The following GMDS variants were observed in gnomAD, a reference collection of about 807,000 sequenced individuals.
The protein encoded by GMDS is GDP-mannose 4,6 dehydratase.
GMDS carries 20 observed loss-of-function variants against 49.9 expected under a neutral mutation model. The observed-to-expected ratio is 0.40, with a 90% CI of 0.28 to 0.58. GMDS has a LOEUF of 0.58. Ranked by LOEUF, GMDS falls within the 20% of genes least tolerant of loss-of-function variation. The pLI, the probability that GMDS is intolerant of heterozygous loss-of-function variation, is 0.42. For synonymous variants in GMDS, 177 were observed against 178.6 expected (o/e 0.99, Z 0.07); for missense variants, 362 against 481.4 (o/e 0.75, Z 2.32).
At chr6:1,872,727 G>A (rs555852907) in intron 7 of GMDS, among the ~76,000 whole-genome samples, 22 of 152,350 alleles carry the variant, frequency 1.4e-4, no homozygotes, top group African/African-American at 5.0e-4. Flanking sequence ...TTATAGATGC[G>A]CTCAAGCTGT....
At chr6:2,030,945 A>G (rs1377265834) in intron 4 of GMDS, among the ~76,000 whole-genome samples, 11 of 152,200 alleles carry the variant, frequency 7.2e-5, no homozygotes, top group African/African-American at 2.4e-4. Context: ...TTTATAAACA[A>G]AATAAATTAT....
intron 4 of GMDS, among the ~76,000 whole-genome samples, chr6:2,046,925 C>T (rs969510451): frequency 1.3e-5 from 2 of 152,218 alleles, no homozygotes; most frequent in Middle Eastern, 3.4e-3. Context: ...AAAGTATCCC[C>T]CAACTCCATC....
chr6:2,163,106 C>T (rs149024163), intron 1 of GMDS, among the ~76,000 whole-genome samples: 6 of 152,314 alleles, frequency 3.9e-5, no homozygotes, highest in South Asian at 4.1e-4. Context: ...TATTCAATCA[C>T]GACCGATGAC....
intron 1 of GMDS, among the ~76,000 whole-genome samples, chr6:2,208,951 G>C (rs185952782): frequency 6.6e-6 from 1 of 151,278 alleles, no homozygotes; most frequent in East Asian, 2.0e-4. Flanking sequence ...CCAAGCATAA[G>C]AGCAAGAATA....
intron 7 of GMDS, among the ~76,000 whole-genome samples, chr6:1,852,119 C>T (rs1757703510): frequency 6.6e-6 from 1 of 152,188 alleles, no homozygotes; most frequent in African/African-American, 2.4e-5. Context: ...AAGTCTTTTC[C>T]ACAGTGGTCA....
chr6:1,845,853 C>T (rs1561842060), intron 7 of GMDS, among the ~76,000 whole-genome samples: 1 of 152,130 alleles, frequency 6.6e-6, no homozygotes, highest in Non-Finnish European at 1.5e-5. Flanking sequence ...TCACCTCCTG[C>T]TGTGCGGCCT....
chr6:1,763,770 C>CGAATCTGT (rs1269494521), intron 7 of GMDS, among the ~76,000 whole-genome samples: 3 of 152,324 alleles, frequency 2.0e-5, no homozygotes, highest in Admixed American at 2.0e-4. Flanking sequence ...TCCATTGGTA[C>CGAATCTGT]GAATCTGTCT....
intron 4 of GMDS, among the ~76,000 whole-genome samples, chr6:2,046,373 T>C (rs1007737548): frequency 2.0e-5 from 3 of 152,200 alleles, no homozygotes; most frequent in Non-Finnish European, 2.9e-5. Flanking sequence ...TCATAGGAAA[T>C]ACCCATTAAT....
intron 9 of GMDS, among the ~76,000 whole-genome samples, chr6:1,686,173 G>A (rs961474457): frequency 6.6e-6 from 1 of 152,204 alleles, no homozygotes. Context: ...GAGCAGAACT[G>A]AAGCCAGTTT....
chr6:1,797,287 G>A (rs922385216), intron 7 of GMDS, among the ~76,000 whole-genome samples: 1 of 152,158 alleles, frequency 6.6e-6, no homozygotes, highest in Non-Finnish European at 1.5e-5. Context: ...CCAGTCAGTG[G>A]AAAAATTGTC....
At chr6:2,007,492 T>A (rs1767266881) in intron 4 of GMDS, among the ~76,000 whole-genome samples, 1 of 152,204 alleles carries the variant, frequency 6.6e-6, no homozygotes, top group Non-Finnish European at 1.5e-5. Context: ...CAGGCTTTTA[T>A]AACGAAAAAT....
chr6:1,853,325 T>C (rs374089747), intron 7 of GMDS, among the ~76,000 whole-genome samples: 30 of 151,280 alleles, frequency 2.0e-4, no homozygotes, highest in African/African-American at 4.9e-4. Context: ...GAGACCATCC[T>C]GGCTAAAACG....
At chr6:1,951,917 A>C in intron 6 of GMDS, 2 of 985,346 alleles carry the variant, frequency 2.0e-6, no homozygotes, top group Non-Finnish European at 2.4e-6. Flanking sequence ...CAACTTGTCC[A>C]CTTGCTTCAC....
chr6:1,777,813 C>T (rs144817781), intron 7 of GMDS, among the ~76,000 whole-genome samples: 18 of 152,248 alleles, frequency 1.2e-4, no homozygotes, highest in East Asian at 3.9e-4. Flanking sequence ...TCTCAGCAGA[C>T]GGCTCACCAT....
At chr6:1,638,437 T>A (rs577346895) in intron 9 of GMDS, among the ~76,000 whole-genome samples, 3 of 152,236 alleles carry the variant, frequency 2.0e-5, no homozygotes, top group Admixed American at 2.0e-4. Flanking sequence ...ATGGCCATGA[T>A]CCTGAACTTT....
chr6:2,057,771 T>A (rs948470480), intron 4 of GMDS, among the ~76,000 whole-genome samples: 4 of 152,226 alleles, frequency 2.6e-5, no homozygotes, highest in African/African-American at 9.6e-5. Context: ...ATAGCCACAC[T>A]GTCCAGCAGA....
Position 1,803,447 on chromosome 6 carries a change from C to T in GMDS, c.772-60861G>A, listed in dbSNP as rs1480375461. 2.0e-5 allele frequency among the ~76,000 whole-genome samples: 3 copies of T among 151,902 alleles called. No individual in the cohort carries two copies. In the South Asian group the frequency reaches 6.2e-4, roughly 32 times the overall value. The stretch of plus-strand genomic sequence containing the variant: ...TAGTGTAGTTTAATTACAGTTTAAT[C>T]TCTTTCAGCGAGCAGCCCTTGAGAC... On this transcript the variant is annotated intron_variant, in intron 7 of 10. Coordinates refer to ENST00000380815, the MANE Select transcript of GMDS (RefSeq NM_001500.4).
rs185299473 is a variant in GMDS at position 2,192,095 on chromosome 6, A to G, written c.102+53226T>C. Reference sequence around the variant, plus strand: ...ACTCTCTCTGCTAAGAGCTGCAGAGACAATGGGACAAGCTGCCTACAGAGA... The same window carrying G: ...ACTCTCTCTGCTAAGAGCTGCAGAGGCAATGGGACAAGCTGCCTACAGAGA... On this transcript the variant is annotated intron_variant, in intron 1 of 10. Transcript: ENST00000380815. Among the ~76,000 whole-genome samples the G allele has an allele frequency of 1.6e-4, 25 of 152,154 alleles. No individual in the cohort carries two copies. The East Asian group carries it at 4.5e-3, about 27-fold the overall frequency.
chr6:1,961,902 G>A (rs1763964437), intron 4 of GMDS, among the ~76,000 whole-genome samples: 1 of 152,172 alleles, frequency 6.6e-6, no homozygotes, highest in Non-Finnish European at 1.5e-5. Flanking sequence ...TCAGGCAACT[G>A]CTCACCAGGG....
Sources: gnomAD v4.1 joint callset for allele counts (sites outside exome capture counted in the v4.1 genomes callset) on GRCh38, gnomAD v4.1.1 for gene constraint, MANE v1.5 for transcripts, NCBI Gene and HGNC (gene_info 2026-07-23, HGNC 2026-07-21) for gene names.